Variants in SNUPN observed in about 807,000 individuals in gnomAD.
SNUPN encodes snurportin-1.
In SNUPN, 31 loss-of-function variants were observed where a neutral mutation model predicts 39.2. That is an observed-to-expected ratio of 0.79 (90% CI 0.59 to 1.07). The LOEUF is 1.07. Among genes scored for constraint, SNUPN ranks in the 50% least tolerant of loss-of-function variants. The pLI is 0.00. For missense variants in SNUPN, 382 were observed against 434.2 expected, an observed-to-expected ratio of 0.88 and a Z score of 1.07; for synonymous variants, 132 against 159.0, an observed-to-expected ratio of 0.83 and a Z score of 1.28.
At chr15:75,610,400 CAAA>C (rs540383128) in intron 3 of SNUPN, among the ~76,000 whole-genome samples, 12 of 61,040 alleles carry the variant, frequency 2.0e-4, no homozygotes, top group Non-Finnish European at 2.4e-4. Context: ...AACTCTGTCT[CAAA>C]AAAAAAAAAA....
intron 5 of SNUPN, among the ~76,000 whole-genome samples, chr15:75,607,530 G>A (rs1007781203): frequency 4.6e-5 from 7 of 152,128 alleles, no homozygotes; most frequent in Non-Finnish European, 8.8e-5. Flanking sequence ...AGCACAAGAC[G>A]CATCAAGGCA....
intron 7 of SNUPN, among the ~76,000 whole-genome samples, chr15:75,602,795 T>C (rs1324718397): frequency 6.6e-6 from 1 of 151,946 alleles, no homozygotes; most frequent in Non-Finnish European, 1.5e-5. Flanking sequence ...TTTGTAGAGA[T>C]GGGGTTCTGC....
chr15:75,607,387 C>A (rs1164233685), intron 5 of SNUPN, 74 bp from the exon 6 acceptor site: 5 of 980,602 alleles, frequency 5.1e-6, no homozygotes, highest in African/African-American at 4.8e-5. Context: ...ACCTAGGGAG[C>A]CCCATCCCAG....
At chr15:75,604,952 A>T (rs1047097417) in intron 7 of SNUPN, among the ~76,000 whole-genome samples, 198 bp downstream of exon 7, 9 of 152,170 alleles carry the variant, frequency 5.9e-5, no homozygotes, top group African/African-American at 2.2e-4. Context: ...GCTCCCAATT[A>T]TGAGTGAGAA....
At chr15:75,600,903 G>A (rs774520395) in intron 8 of SNUPN, 2 of 428,050 alleles carry the variant, frequency 4.7e-6, no homozygotes, top group Non-Finnish European at 8.6e-6. Flanking sequence ...GTAAGATGAG[G>A]GAGTTGGACG....
At chr15:75,601,995 A>C (rs1047820050) in intron 7 of SNUPN, among the ~76,000 whole-genome samples, 1 of 152,070 alleles carries the variant, frequency 6.6e-6, no homozygotes, top group Non-Finnish European at 1.5e-5. Flanking sequence ...CTCCCACCTC[A>C]GTTTCCCAGT....
chr15:75,613,167 G>A (rs188660249), intron 3 of SNUPN, among the ~76,000 whole-genome samples: 3 of 149,432 alleles, frequency 2.0e-5, no homozygotes, highest in Admixed American at 1.3e-4. Context: ...GCTGAGGCAG[G>A]AGAATGGCGT....
chr15:75,621,070 C>G lies in SNUPN; in HGVS notation c.-5-14G>C. The G allele has an allele frequency of 6.2e-7, 1 of 1,613,176 alleles. No individual in the cohort carries two copies. The highest frequency in any genetic ancestry group is 8.5e-7 in the Non-Finnish European group (1 of 1,179,662). ...CTTCCATCTTCCCTACAAAGGAAAA[C>G]GTAAGAAAATGGTTCATTCATTTCA... On this transcript the variant is annotated splice_polypyrimidine_tract_variant and intron_variant, in intron 1 of 8. Transcript: ENST00000308588.
chr15:75,620,779 A>G, intron 2 of SNUPN, 115 bp downstream of exon 2: 1 of 886,480 alleles, frequency 1.1e-6, no homozygotes, highest in Non-Finnish European at 1.7e-6. Flanking sequence ...CAAGAAGATC[A>G]GCCTACAAAG....
At chr15:75,604,668 G>C (rs546957182) in intron 7 of SNUPN, among the ~76,000 whole-genome samples, 1 of 152,290 alleles carries the variant, frequency 6.6e-6, no homozygotes, top group South Asian at 2.1e-4. Context: ...CTATTTTTCA[G>C]ATGGAAAATC....
intron 1 of SNUPN, chr15:75,622,196 C>G (rs184481737): frequency 2.3e-4 from 80 of 344,366 alleles, no homozygotes; most frequent in Admixed American, 1.8e-3. Context: ...GACTATGTCT[C>G]TACTTTTTAA....
chr15:75,615,323 G>A (rs1020606666), intron 3 of SNUPN, among the ~76,000 whole-genome samples: 17 of 151,522 alleles, frequency 1.1e-4, no homozygotes, highest in African/African-American at 3.9e-4. Flanking sequence ...TATTTTTGAG[G>A]CCCTTTACAT....
chr15:75,618,868 T>C (rs191611387), intron 2 of SNUPN, among the ~76,000 whole-genome samples: 1 of 152,192 alleles, frequency 6.6e-6, no homozygotes, highest in African/African-American at 2.4e-5. Flanking sequence ...CAGGAGGGAC[T>C]GGCTTGATGG....
chr15:75,601,955 G>T (rs950149069), intron 7 of SNUPN, among the ~76,000 whole-genome samples: 1 of 152,022 alleles, frequency 6.6e-6, no homozygotes, highest in Non-Finnish European at 1.5e-5. Context: ...ACAGCTCACT[G>T]CATCCTCAAA....
At chr15:75,622,533 T>C in intron 1 of SNUPN, 1 of 962,572 alleles carries the variant, frequency 1.0e-6, no homozygotes, top group African/African-American at 1.8e-5. Flanking sequence ...CACACTTCAT[T>C]CAAGCGCCTG....
chr15:75,623,375 T>G (rs546600152), intron 1 of SNUPN, among the ~76,000 whole-genome samples: 2,703 of 151,048 alleles, frequency 0.018, 81 homozygotes, highest in East Asian at 0.11. Flanking sequence ...GGTCTCGATC[T>G]CCCGACCTCC....
intron 7 of SNUPN, among the ~76,000 whole-genome samples, chr15:75,603,155 T>C (rs1285321832): frequency 6.6e-6 from 1 of 150,530 alleles, no homozygotes; most frequent in Non-Finnish European, 1.5e-5. Context: ...TTCACAGCAT[T>C]CTCCTGCTCA....
chr15:75,619,586 G>A (rs1162394237), intron 2 of SNUPN, among the ~76,000 whole-genome samples: 1 of 151,998 alleles, frequency 6.6e-6, no homozygotes, highest in African/African-American at 2.4e-5. Context: ...AGGCTGCAGT[G>A]AGCCGGGATC....
chr15:75,605,544 C>T (rs1032569630), intron 6 of SNUPN, among the ~76,000 whole-genome samples: 8 of 152,102 alleles, frequency 5.3e-5, no homozygotes, highest in Non-Finnish European at 1.2e-4. Context: ...CTTGATCTCT[C>T]CACCTCGAGC....
Sources: allele counts gnomAD v4.1 joint callset (sites outside exome capture counted in the v4.1 genomes callset), GRCh38; gene constraint gnomAD v4.1.1; transcripts MANE v1.5; gene names NCBI Gene and HGNC (gene_info 2026-07-23, HGNC 2026-07-21).